PHF3: variants seen among roughly 807,000 people sequenced by gnomAD.
PHF3 encodes the protein PHD finger protein 3.
PHF3 carries 41 observed loss-of-function variants against 178.4 expected under a neutral mutation model. The observed-to-expected ratio is 0.23, with a 90% CI of 0.18 to 0.30. The LOEUF is 0.30. PHF3 is among the 10% of genes least tolerant of loss of function. PHF3 has a pLI of 1.00. For synonymous variants in PHF3, 842 were observed against 800.5 expected (o/e 1.05, Z -0.88); for missense variants, 2,346 against 2,398.1 (o/e 0.98, Z 0.45).
At chr6:63,667,379 A>C (rs1032554709) in intron 2 of PHF3, among the ~76,000 whole-genome samples, 1 of 152,230 alleles carries the variant, frequency 6.6e-6, no homozygotes, top group Non-Finnish European at 1.5e-5. Flanking sequence ...ACTGAAAAAC[A>C]AAGTACAGTA....
chr6:63,721,089 G>A lies in PHF3; in HGVS notation c.*7381G>A. Reference sequence around the variant, plus strand: ...AGTGGTACTGAAATTTAAGGATATAGTAGTGAACTGGAGGTTTCTCATTCT... The same window carrying A: ...AGTGGTACTGAAATTTAAGGATATAATAGTGAACTGGAGGTTTCTCATTCT... On this transcript the variant is annotated 3_prime_UTR_variant, in exon 16 of 16. Transcript: ENST00000262043. The A allele has an allele frequency of 6.4e-7, 1 of 1,551,254 alleles. No individual in the cohort carries two copies. Among genetic ancestry groups the A allele is most frequent in the Non-Finnish European group, 8.7e-7 (1 of 1,146,714 alleles).
At position 63,645,785 on chromosome 6, in the gene PHF3, A is replaced by G. The variant is rs372673017; in HGVS notation, c.-25-742A>G. Among the ~76,000 whole-genome samples, 4 of 152,194 alleles carry G rather than the reference A, an allele frequency of 2.6e-5. No homozygotes were observed. The South Asian group carries it at 8.3e-4, about 31-fold the overall frequency. On this transcript the variant is annotated intron_variant, in intron 1 of 15. Coordinates refer to ENST00000262043, the MANE Select transcript of PHF3 (RefSeq NM_001370348.2). Reference sequence around the variant, plus strand: ...ACAATTCAAATGGGAGACTAACTTGATACTTGTATAGACCACACATAACTA... The same window carrying G: ...ACAATTCAAATGGGAGACTAACTTGGTACTTGTATAGACCACACATAACTA...
At chr6:63,696,309 G>C (rs1269254628) in intron 6 of PHF3, among the ~76,000 whole-genome samples, 1 of 152,114 alleles carries the variant, frequency 6.6e-6, no homozygotes. Context: ...CCCTTGGGAA[G>C]CACCAGCATT....
chr6:63,711,287 G>A lies in PHF3; in HGVS notation c.3922G>A (p.Val1308Ile), dbSNP rs759099592. The change falls in exon 15 of 16, where the codon GTT (valine) becomes ATT (isoleucine). Residue 1308 changes from valine to isoleucine, a missense_variant. Val to Ile is a conservative substitution (Grantham distance 29). Around this residue, in one of 8 missense-constraint regions of PHF3, gnomAD observed 90 missense variants for 136.6 expected, o/e 0.66. Transcript: ENST00000262043. ...YGVAANNMKQ[V>I]KDMYLIPLGA... ...AGTAGCTGCTAACAACATGAAGCAG[G>A]TTAAAGATATGTACCTTATTCCTTT... 1.2e-6 allele frequency: 2 copies of A among 1,613,730 alleles called. No homozygotes were observed. Among genetic ancestry groups the A allele is most frequent in the Non-Finnish European group, 1.7e-6 (2 of 1,179,784 alleles).
chr6:63,690,861 A>G (rs75877878), intron 4 of PHF3, among the ~76,000 whole-genome samples: 1,809 of 152,262 alleles, frequency 0.012, 31 homozygotes, highest in African/African-American at 0.042. Context: ...CTCCTTTTAA[A>G]CTGGAAAGAT....
rs2149625000 is a variant in PHF3 at position 63,721,413 on chromosome 6, TCA to T, written c.*7707_*7708del. On this transcript the variant is annotated 3_prime_UTR_variant, in exon 16 of 16. Coordinates refer to ENST00000262043, the MANE Select transcript of PHF3 (RefSeq NM_001370348.2). The stretch of plus-strand genomic sequence containing the variant: ...GTACCCACAGGCTGTCCCATCACAG[TCA>T]CCTACATTTGAGCCACCTTTTGCTC... 1 of 1,551,736 alleles carries T rather than the reference TCA, an allele frequency of 6.4e-7. No individual in the cohort carries two copies. Among genetic ancestry groups the T allele is most frequent in the Non-Finnish European group, 8.7e-7 (1 of 1,146,950 alleles).
rs553586311 is a variant in PHF3 at position 63,659,179 on chromosome 6, T to C, written c.244+12384T>C. On this transcript the variant is annotated intron_variant, in intron 2 of 15. Coordinates refer to ENST00000262043, the MANE Select transcript of PHF3 (RefSeq NM_001370348.2). ...AAAAAAGTTGATGTGAGTTAATGCA[T>C]GTTAATTAATTTGATTTAGCCATTC... Among the ~76,000 whole-genome samples, 10 of 152,330 alleles carry C rather than the reference T, an allele frequency of 6.6e-5. No individual in the cohort carries two copies. In the South Asian group the frequency reaches 2.1e-3, roughly 32 times the overall value.
intron 2 of PHF3, among the ~76,000 whole-genome samples, chr6:63,650,319 A>C (rs1764970119): frequency 6.6e-6 from 1 of 152,200 alleles, no homozygotes; most frequent in South Asian, 2.1e-4. Context: ...TTAAAAAAAA[A>C]TTCTCTAGTA....
At position 63,712,696 on chromosome 6, in the gene PHF3, C is replaced by G. The variant is rs138809513; in HGVS notation, c.5108C>G (p.Ser1703Cys). 8.7e-6 allele frequency: 14 copies of G among 1,613,806 alleles called. No individual in the cohort carries two copies. Among genetic ancestry groups the G allele is most frequent in the Middle Eastern group, 1.6e-4 (1 of 6,084 alleles). ...EQINVEEKLC[S>C]AEKNSCVQQS... ...ATCAATGTAGAGGAAAAGTTGTGTT[C>G]TGCAGAGAAAAACTCGTGTGTTCAG... The change falls in exon 16 of 16, where the codon TCT (serine) becomes TGT (cysteine). Residue 1703 changes from serine (S) to cysteine (C), a missense_variant. By Grantham distance (112) the Ser-to-Cys change is moderately radical. This residue lies in a region of PHF3 where 839 missense variants were observed against 806.9 expected (regional missense o/e 1.04). Coordinates refer to ENST00000262043, the MANE Select transcript of PHF3 (RefSeq NM_001370348.2).
chr6:63,672,713 G>C (rs1190365843), intron 2 of PHF3, among the ~76,000 whole-genome samples: 1 of 152,140 alleles, frequency 6.6e-6, no homozygotes, highest in African/African-American at 2.4e-5. Context: ...AGTCCTTGTG[G>C]ATGAGCCGTA....
Position 63,711,372 on chromosome 6 carries a change from C to T in PHF3, c.3997+10C>T, listed in dbSNP as rs373595681. The T allele has an allele frequency of 3.3e-5, 52 of 1,580,282 alleles. No individual in the cohort carries two copies. Among genetic ancestry groups the T allele is most frequent in the East Asian group, 1.6e-4 (7 of 44,530 alleles). On this transcript the variant is annotated intron_variant, in intron 15 of 15. Coordinates refer to ENST00000262043, the MANE Select transcript of PHF3 (RefSeq NM_001370348.2). ...CCTTTTGATGGACCTGGTAGGTATA[C>T]GTTTTAATAATAGGATAAGAATGAA...
intron 1 of PHF3, among the ~76,000 whole-genome samples, 173 bp downstream of exon 1, chr6:63,636,323 C>T (rs1467734752): frequency 6.6e-6 from 1 of 152,178 alleles, no homozygotes; most frequent in African/African-American, 2.4e-5. Context: ...GCAACGTCCT[C>T]GGCCTACCTG....
At position 63,712,913 on chromosome 6, in the gene PHF3, T is replaced by G. The variant is rs1213351771; in HGVS notation, c.5325T>G (p.Phe1775Leu). Residue 1775 changes from phenylalanine (F) to leucine (L), a missense_variant, in exon 16 of 16, where the codon TTT (phenylalanine) becomes TTG (leucine). Coordinates refer to ENST00000262043, the MANE Select transcript of PHF3 (RefSeq NM_001370348.2). ...TTGGAAACACATGTCCATCAGAATT[T>G]CCTTCTAAAAGCATCACCTTTACTT... ...FEVGNTCPSE[F>L]PSKSITFTSR... The G allele has an allele frequency of 6.2e-7, 1 of 1,613,934 alleles. No homozygotes were observed. Among genetic ancestry groups the G allele is most frequent in the Non-Finnish European group, 8.5e-7 (1 of 1,179,978 alleles).
chr6:63,644,999 G>A (rs989606936), intron 1 of PHF3, among the ~76,000 whole-genome samples: 1 of 151,664 alleles, frequency 6.6e-6, no homozygotes, highest in Non-Finnish European at 1.5e-5. Context: ...TCCCAACTCA[G>A]CCGCCCGAGT....
chr6:63,669,098 AT>A (rs1409864269), intron 2 of PHF3, among the ~76,000 whole-genome samples: 3 of 152,318 alleles, frequency 2.0e-5, no homozygotes, highest in Non-Finnish European at 4.4e-5. Context: ...TGACAGGAAA[AT>A]TGTCAAATAA....
intron 1 of PHF3, chr6:63,636,610 G>A (rs921072994): frequency 6.6e-6 from 1 of 152,238 alleles, no homozygotes; most frequent in Non-Finnish European, 1.5e-5. Context: ...TTTGGGCCTT[G>A]GTTTCGGGAA....
Position 63,723,558 on chromosome 6 carries a change from A to G in PHF3, c.*9850A>G, listed in dbSNP as rs1038272203. Among the ~76,000 whole-genome samples, 3 of 152,044 alleles carry G rather than the reference A, an allele frequency of 2.0e-5. No homozygotes were observed. Among genetic ancestry groups the G allele is most frequent in the Non-Finnish European group, 4.4e-5 (3 of 68,016 alleles). ...AATGATTAGGAAAGCTGAAGCTGTG[A>G]TCTATACTATCACTGGTCATGTTGC... On this transcript the variant is annotated 3_prime_UTR_variant, in exon 16 of 16. Coordinates refer to ENST00000262043, the MANE Select transcript of PHF3 (RefSeq NM_001370348.2).
At chr6:63,664,684 A>G (rs1268171950) in intron 2 of PHF3, among the ~76,000 whole-genome samples, 2 of 152,108 alleles carry the variant, frequency 1.3e-5, no homozygotes, top group Admixed American at 6.5e-5. Context: ...GGAATGCATT[A>G]TGATTGCACA....
intron 4 of PHF3, among the ~76,000 whole-genome samples, chr6:63,687,103 A>G (rs1430725518): frequency 1.3e-5 from 2 of 152,170 alleles, no homozygotes; most frequent in Non-Finnish European, 2.9e-5. Context: ...CATGCTCTTA[A>G]TTATATGGTT....
Sources: allele counts gnomAD v4.1 joint callset (sites outside exome capture counted in the v4.1 genomes callset), GRCh38; gene constraint gnomAD v4.1.1; regional missense constraint gnomAD v4.1.1; transcripts MANE v1.5; gene names NCBI Gene and HGNC (gene_info 2026-07-23, HGNC 2026-07-21).